ATAD5: variants seen among roughly 807,000 people sequenced by gnomAD.
ATAD5 encodes the protein ATPase family AAA domain containing 5, also known as ATPase family AAA domain-containing protein 5.
ATAD5 carries 58 observed loss-of-function variants against 176.9 expected under a neutral mutation model. The ratio of observed to expected loss-of-function variants is 0.33; its 90% CI spans 0.27 to 0.41. The LOEUF (loss-of-function observed/expected upper bound fraction) is 0.41, where lower values mean the gene tolerates loss of function less well. ATAD5 is among the 10% of genes least tolerant of loss of function. The pLI, the probability that ATAD5 is intolerant of heterozygous loss-of-function variation, is 1.00. For synonymous variants in ATAD5, 640 were observed against 712.6 expected, an observed-to-expected ratio of 0.90 and a Z score of 1.62; for missense variants, 1,789 against 2,094.1, an observed-to-expected ratio of 0.85 and a Z score of 2.84.
Position 30,858,135 on chromosome 17 carries a change from A to T in ATAD5, c.2794-26A>T, listed in dbSNP as rs781668269. ...CATGAATAGATGATGTTGGTCTGTT[A>T]TTGTGCATTTTATTCTTTATTGCAG... is the stretch of plus-strand genomic sequence containing the variant. On this transcript the variant is annotated intron_variant, in intron 8 of 22. Transcript: ENST00000321990. 1.0e-5 allele frequency: 15 copies of T among 1,485,846 alleles called. 1 individual carries two copies. In the South Asian group the frequency reaches 2.1e-4, roughly 21 times the overall value. 92.0% of individuals were successfully genotyped at this position (1,485,846 alleles called of 1,614,324 possible). A position where few individuals can be genotyped will look rare whatever the true frequency, so the allele number is the denominator to read the frequency against.
In ATAD5 at chr17:30,855,018, C is replaced by T; in HGVS notation, c.2451-125C>T. ...AAGTGATCCGCCCACCTCTGCCTCTCAAAGTACTTATATTACAGGCATGAG... is the reference window on the plus strand; with the variant it reads ...AAGTGATCCGCCCACCTCTGCCTCTTAAAGTACTTATATTACAGGCATGAG... On this transcript the variant is annotated intron_variant, in intron 6 of 22. Transcript: ENST00000321990. 6 of 891,980 alleles carry T rather than the reference C, an allele frequency of 6.7e-6. No individual in the cohort carries two copies. In the South Asian group the frequency reaches 1.2e-4, roughly 18 times the overall value. 55.3% of individuals were successfully genotyped at this position (891,980 alleles called of 1,614,324 possible). A position where few individuals can be genotyped will look rare whatever the true frequency, so the allele number is the denominator to read the frequency against.
chr17:30,890,512 C>T (rs1415748053), intron 19 of ATAD5, among the ~76,000 whole-genome samples: 1 of 147,894 alleles, frequency 6.8e-6, no homozygotes, highest in Non-Finnish European at 1.5e-5. Flanking sequence ...ACCTCTGCCT[C>T]CTGGGTTCAA....
chr17:30,835,960 A>G lies in ATAD5; in HGVS notation c.1879A>G (p.Thr627Ala). The G allele has an allele frequency of 6.2e-7, 1 of 1,614,094 alleles. No individual in the cohort carries two copies. The highest frequency in any genetic ancestry group is 1.3e-5 in the African/African-American group (1 of 75,044). The change falls in exon 2 of 23, where the codon ACT becomes GCT. Residue 627 changes from threonine (T) to alanine (A), a missense_variant. Coordinates refer to ENST00000321990, the MANE Select transcript of ATAD5 (RefSeq NM_024857.5). ...AGATAATAGTCAACTAAAGGCTTCCACTCAAAAAGCAGCCAACTTATCGGA... is the reference window on the plus strand; with the variant it reads ...AGATAATAGTCAACTAAAGGCTTCCGCTCAAAAAGCAGCCAACTTATCGGA... ...VQDNSQLKAS[T>A]QKAANLSEKH...
intron 3 of ATAD5, among the ~76,000 whole-genome samples, chr17:30,837,826 C>G (rs1273475370): frequency 6.6e-6 from 1 of 152,156 alleles, no homozygotes; most frequent in Non-Finnish European, 1.5e-5. Flanking sequence ...CTCCTAATAC[C>G]ATTACATAGT....
intron 4 of ATAD5, among the ~76,000 whole-genome samples, 176 bp downstream of exon 4, chr17:30,840,957 A>G (rs1906071716): frequency 6.6e-6 from 1 of 152,022 alleles, no homozygotes; most frequent in Non-Finnish European, 1.5e-5. Context: ...TCTGCAGAAT[A>G]CAGTTTGAAT....
chr17:30,863,734 G>A (rs1907803445), intron 10 of ATAD5, among the ~76,000 whole-genome samples: 1 of 139,950 alleles, frequency 7.1e-6, no homozygotes. Flanking sequence ...GCACAATCTC[G>A]GCTCACTGCA....
In ATAD5 at chr17:30,894,670, C is replaced by T. The variant is rs1388273738; in HGVS notation, c.5404C>T (p.Arg1802Ter). ...ASIIEYLPTLRNICKTEKLKE... is the reference protein window; with the variant it reads ...ASIIEYLPTL The stretch of plus-strand genomic sequence containing the variant: ...TATAATTGAATACCTGCCAACCCTT[C>T]GAAACATCTGTAAGACTGAGAAGCT... The change falls in exon 22 of 23, where the codon CGA becomes TGA. Residue 1802 changes from arginine (R) to a stop codon, truncating the protein, a stop_gained. Coordinates refer to ENST00000321990, the MANE Select transcript of ATAD5 (RefSeq NM_024857.5). LOFTEE classifies it high-confidence loss of function. 6 of 1,612,990 alleles carry T rather than the reference C, an allele frequency of 3.7e-6. No individual in the cohort carries two copies. The highest frequency in any genetic ancestry group is 5.1e-6 in the Non-Finnish European group (6 of 1,179,582).
chr17:30,855,957 A>T (rs1283455798), intron 7 of ATAD5, among the ~76,000 whole-genome samples: 1 of 151,628 alleles, frequency 6.6e-6, no homozygotes, highest in East Asian at 1.9e-4. Context: ...CTTATTTCCC[A>T]TCTCTGCCAC....
At chr17:30,880,166 T>C (rs937248452) in intron 18 of ATAD5, among the ~76,000 whole-genome samples, 6 of 151,776 alleles carry the variant, frequency 4.0e-5, no homozygotes. Context: ...TAGCCAGGTG[T>C]GGTGGCACAT....
intron 10 of ATAD5, among the ~76,000 whole-genome samples, chr17:30,865,324 C>T (rs1168277130): frequency 5.9e-5 from 9 of 152,086 alleles, no homozygotes; most frequent in African/African-American, 2.2e-4. Flanking sequence ...AGGCCCCCGC[C>T]ACCACGCCCG....
At chr17:30,839,100 G>C (rs557949954) in intron 3 of ATAD5, among the ~76,000 whole-genome samples, 1 of 152,026 alleles carries the variant, frequency 6.6e-6, no homozygotes, top group African/African-American at 2.4e-5. Flanking sequence ...TGCTGTGCTG[G>C]TTGGTATTCA....
chr17:30,837,666 C>A lies in ATAD5; in HGVS notation c.2076+352C>A, dbSNP rs573690492. Among the ~76,000 whole-genome samples the A allele has an allele frequency of 2.0e-3, 298 of 152,306 alleles. 1 individual carries two copies. Among genetic ancestry groups the A allele is most frequent in the African/African-American group, 6.8e-3 (282 of 41,580 alleles). On this transcript the variant is annotated intron_variant, in intron 3 of 22. Transcript: ENST00000321990. ...TGGCTTAAACAACAGAAACATATTT[C>A]TCACAGTTATGGGGATTGAGAAATG... is the stretch of plus-strand genomic sequence containing the variant.
chr17:30,840,752 C>A lies in ATAD5; in HGVS notation c.2212C>A (p.Pro738Thr), dbSNP rs762755239. Reference sequence around the variant, plus strand: ...GCGCTCCTCTAGACATCAGACACTTCCTGAAAGGAAGAAATTGTCAGAAAC... The same window carrying A: ...GCGCTCCTCTAGACATCAGACACTTACTGAAAGGAAGAAATTGTCAGAAAC... ...LRRSSRHQTL[P>T]ERKKLSETED... The change falls in exon 4 of 23, where the codon CCT becomes ACT. Residue 738 changes from proline (P) to threonine (T), a missense_variant. By Grantham distance (38) the Pro-to-Thr change is conservative (BLOSUM62 -1). Transcript: ENST00000321990. 3.7e-6 allele frequency: 6 copies of A among 1,603,208 alleles called. No homozygotes were observed. The highest frequency in any genetic ancestry group is 8.5e-7 in the Non-Finnish European group (1 of 1,176,900).
chr17:30,888,664 C>CT (rs756256611), intron 19 of ATAD5, among the ~76,000 whole-genome samples: 1 of 152,010 alleles, frequency 6.6e-6, no homozygotes, highest in African/African-American at 2.4e-5. Flanking sequence ...TTCACTTTAC[C>CT]TTTTTGAGCC....
At position 30,844,862 on chromosome 17, in the gene ATAD5, T is replaced by C. The variant is rs1448559471; in HGVS notation, c.2396T>C (p.Leu799Pro). Residue 799 changes from leucine (L) to proline (P), a missense_variant, in exon 6 of 23, where the codon CTT becomes CCT. Transcript: ENST00000321990. ...AAAATGAAAGTCGCTCCTTTATTTC[T>C]TGTCAGAAAAGCACAAAAAGCAGCT... ...PGKMKVAPLF[L>P]VRKAQKAADP... 3 of 1,597,992 alleles carry C rather than the reference T, an allele frequency of 1.9e-6. No individual in the cohort carries two copies. In the South Asian group the frequency reaches 3.5e-5, roughly 18 times the overall value.
chr17:30,872,533 T>A (rs754362822), intron 14 of ATAD5, among the ~76,000 whole-genome samples: 2 of 94,458 alleles, frequency 2.1e-5, no homozygotes, highest in African/African-American at 5.9e-5. Context: ...AGGTTTCTTT[T>A]TCTTTTTTTT....
At chr17:30,869,766 C>T in intron 14 of ATAD5, 120 bp downstream of exon 14, 2 of 1,031,804 alleles carry the variant, frequency 1.9e-6, no homozygotes, top group South Asian at 1.6e-5. Context: ...ACGTTTCCTG[C>T]CCACCCCTGC....
At chr17:30,860,109 G>C (rs773821263) in intron 9 of ATAD5, among the ~76,000 whole-genome samples, 1 of 151,946 alleles carries the variant, frequency 6.6e-6, no homozygotes, top group Admixed American at 6.6e-5. Context: ...CTGCAGCCTC[G>C]ATCTCCCGGG....
At chr17:30,893,179 G>A (rs960742113) in intron 20 of ATAD5, 115 bp from the exon 21 acceptor site, 8 of 1,049,334 alleles carry the variant, frequency 7.6e-6, no homozygotes, top group Non-Finnish European at 1.0e-5. Context: ...AATTATGAGG[G>A]GTAGTGACTC....
Sources: allele counts gnomAD v4.1 joint callset (sites outside exome capture counted in the v4.1 genomes callset), GRCh38; gene constraint gnomAD v4.1.1; transcripts MANE v1.5; gene names NCBI Gene and HGNC (gene_info 2026-07-23, HGNC 2026-07-21).